Variants in ETFB observed in about 807,000 individuals in gnomAD.
ETFB encodes the protein beta-ETF.
ETFB carries 20 observed loss-of-function variants against 25.6 expected under a neutral mutation model. The ratio of observed to expected loss-of-function variants is 0.78; its 90% CI spans 0.55 to 1.14. ETFB has a LOEUF of 1.14. ETFB is among the 50% of genes most tolerant of loss of function. ETFB has a pLI of 0.00. For missense variants in ETFB, 286 were observed against 342.6 expected, an observed-to-expected ratio of 0.83 and a Z score of 1.30; for synonymous variants, 142 against 146.7, an observed-to-expected ratio of 0.97 and a Z score of 0.23.
At chr19:51,362,514 C>A (rs2044451456) in intron 1 of ETFB, among the ~76,000 whole-genome samples, 1 of 152,100 alleles carries the variant, frequency 6.6e-6, no homozygotes. Flanking sequence ...AGTGGAGGTT[C>A]CAGTGAGCTG....
intron 4 of ETFB, chr19:51,347,967 C>A (rs1051506419): frequency 6.6e-6 from 1 of 152,164 alleles, no homozygotes; most frequent in Non-Finnish European, 1.5e-5. Flanking sequence ...GAAGGGCGCA[C>A]GTTGGAGAAG....
intron 1 of ETFB, 187 bp from the exon 2 acceptor site, chr19:51,354,495 C>G: frequency 6.2e-7 from 1 of 1,614,206 alleles, no homozygotes. Flanking sequence ...GCAGGTCACC[C>G]TGTCTCCTTC....
intron 4 of ETFB, chr19:51,350,064 T>C (rs899819856): frequency 1.8e-5 from 8 of 446,360 alleles, no homozygotes; most frequent in Non-Finnish European, 2.5e-5. Context: ...CCTGCATTTC[T>C]ATTGGACTGG....
chr19:51,363,508 A>T (rs542142902), intron 1 of ETFB, among the ~76,000 whole-genome samples: 72 of 152,096 alleles, frequency 4.7e-4, no homozygotes, highest in African/African-American at 1.7e-3. Context: ...GAGTACAGGG[A>T]CACAATCCTG....
In ETFB at chr19:51,354,279, C is replaced by T; in HGVS notation, c.87G>A (p.Val29=). ...TGGAGTGCTTCACACCATCCGTGAC[C>T]ACACCGGTCCTGTCAGGCTTCACTC... ...KIRVKPDRTG[V]VTDGVKHSMN... Residue 29 remains valine, a synonymous_variant, in exon 2 of 6, where the codon GTG becomes GTA. Transcript: ENST00000309244. 8 of 1,614,178 alleles carry T rather than the reference C, an allele frequency of 5.0e-6. No individual in the cohort carries two copies. The highest frequency in any genetic ancestry group is 6.8e-6 in the Non-Finnish European group (8 of 1,180,046).
intron 4 of ETFB, chr19:51,350,077 G>A (rs1985894020): frequency 2.1e-6 from 1 of 468,584 alleles, no homozygotes. Context: ...TGGACTGGCA[G>A]AGATGGGGAC....
At position 51,347,006 on chromosome 19, in the gene ETFB, C is replaced by T. The variant is rs104894677; in HGVS notation, c.491G>A (p.Arg164Gln). Residue 164 changes from arginine to glutamine, a missense_variant, in exon 5 of 6, where the codon CGG (arginine) becomes CAG (glutamine). By Grantham distance (43) the Arg-to-Gln change is conservative. Transcript: ENST00000309244. ...TLEGDKLKVEREIDGGLETLR... is the reference protein window; with the variant it reads ...TLEGDKLKVEQEIDGGLETLR... ...GGTCTCCAGGCCCCCATCGATCTCC[C>T]GCTCCACTTTCAACTTGTCCCCCTC... The T allele has an allele frequency of 1.2e-6, 2 of 1,612,912 alleles. No homozygotes were observed. Among genetic ancestry groups the T allele is most frequent in the Admixed American group, 1.7e-5 (1 of 59,880 alleles).
At chr19:51,364,232 AG>A (rs1568471157) in intron 1 of ETFB, among the ~76,000 whole-genome samples, 1 of 152,128 alleles carries the variant, frequency 6.6e-6, no homozygotes, top group African/African-American at 2.4e-5. Context: ...CTTTGGGAGA[AG>A]GGAAAGAGGG....
chr19:51,360,108 A>G lies in ETFB; in HGVS notation c.58-5800T>C, dbSNP rs561714450. On this transcript the variant is annotated intron_variant, in intron 1 of 5. Coordinates refer to ENST00000309244, the MANE Select transcript of ETFB (RefSeq NM_001985.3). ...GAGACGACATATCCACCAATATCAA[A>G]AACAGCCTCAAAGCTGGGCGTGGCG... Among the ~76,000 whole-genome samples, 13 of 152,056 alleles carry G rather than the reference A, an allele frequency of 8.5e-5. No homozygotes were observed. The South Asian group carries it at 2.7e-3, about 32-fold the overall frequency.
chr19:51,361,934 A>T (rs1986242726), intron 1 of ETFB: 1 of 151,720 alleles, frequency 6.6e-6, no homozygotes, highest in Non-Finnish European at 1.5e-5. Context: ...TGAACTCCTG[A>T]CCTCGTGATC....
At chr19:51,360,424 A>G (rs193016206) in intron 1 of ETFB, among the ~76,000 whole-genome samples, 14 of 152,194 alleles carry the variant, frequency 9.2e-5, no homozygotes, top group Admixed American at 2.0e-4. Context: ...GAAAAGAAAA[A>G]AAAAATTTTT....
intron 3 of ETFB, among the ~76,000 whole-genome samples, chr19:51,351,990 CCCCTT>C (rs1985943116): frequency 6.6e-6 from 1 of 152,058 alleles, no homozygotes; most frequent in South Asian, 2.1e-4. Context: ...CCCTCTTCTG[CCCCTT>C]CCCTGGTTGA....
chr19:51,352,197 A>G (rs895251858), intron 3 of ETFB, among the ~76,000 whole-genome samples: 5 of 151,790 alleles, frequency 3.3e-5, no homozygotes, highest in African/African-American at 1.2e-4. Context: ...CCAATTTCCC[A>G]TTCCAGTCCA....
intron 4 of ETFB, chr19:51,350,067 T>C: frequency 2.2e-6 from 1 of 450,324 alleles, no homozygotes; most frequent in Non-Finnish European, 4.2e-6. Flanking sequence ...GCATTTCTAT[T>C]GGACTGGCAG....
intron 1 of ETFB, among the ~76,000 whole-genome samples, chr19:51,363,733 G>C (rs1986284603): frequency 6.6e-6 from 1 of 152,146 alleles, no homozygotes; most frequent in Admixed American, 6.6e-5. Flanking sequence ...AGAGGTGTGA[G>C]CCACCGCGCC....
At chr19:51,354,538 T>C (rs1424988307) in intron 1 of ETFB, 1 of 1,614,234 alleles carries the variant, frequency 6.2e-7, no homozygotes, top group Admixed American at 1.7e-5. Flanking sequence ...ACCAGGGACA[T>C]CTGACTTGAT....
chr19:51,345,321 A>G lies in ETFB; in HGVS notation c.658T>C (p.Ser220Pro). The G allele has an allele frequency of 1.2e-6, 2 of 1,614,000 alleles. No homozygotes were observed. The highest frequency in any genetic ancestry group is 1.7e-6 in the Non-Finnish European group (2 of 1,179,988). The change falls in exon 6 of 6, where the codon TCC becomes CCC. Residue 220 changes from serine to proline, a missense_variant. Transcript: ENST00000309244. ...KPGDLGVDLT[S>P]KLSVISVEDP... ...TCCACACTGATCACAGAGAGCTTGGAGGTCAGGTCCACACCCAGGTCCCCA... is the reference window on the plus strand; with the variant it reads ...TCCACACTGATCACAGAGAGCTTGGGGGTCAGGTCCACACCCAGGTCCCCA...
intron 1 of ETFB, among the ~76,000 whole-genome samples, chr19:51,359,986 C>G (rs1228844466): frequency 6.6e-6 from 1 of 151,818 alleles, no homozygotes; most frequent in Non-Finnish European, 1.5e-5. Context: ...ACCACTCTAG[C>G]CTGGGTGACA....
chr19:51,345,346 AG>A lies in ETFB; in HGVS notation c.632del (p.Pro211LeufsTer8), dbSNP rs1474942004. ...AGGTCAGGTCCACACCCAGGTCCCC[AG>A]GCTTGATCACCTCGATCTTCTTCTT... is the stretch of plus-strand genomic sequence containing the variant. Reference protein sequence around the residue: ...AKKKKIEVIKPGDLGVDLTSK... With the variant: ...AKKKKIEVIKXGDLGVDLTSK... On this transcript the variant is annotated frameshift_variant, in exon 6 of 6. Transcript: ENST00000309244. LOFTEE classifies it high-confidence loss of function. The A allele has an allele frequency of 1.2e-6, 2 of 1,613,950 alleles. No homozygotes were observed. The highest frequency in any genetic ancestry group is 3.3e-5 in the Admixed American group (2 of 59,998).
Sources: allele counts gnomAD v4.1 joint callset (sites outside exome capture counted in the v4.1 genomes callset), GRCh38; gene constraint gnomAD v4.1.1; transcripts MANE v1.5; gene names NCBI Gene and HGNC (gene_info 2026-07-23, HGNC 2026-07-21).